Variants in RELN observed in about 807,000 individuals in gnomAD.
RELN encodes the protein reelin.
RELN carries 108 observed loss-of-function variants against 427.6 expected under a neutral mutation model. That is an observed-to-expected ratio of 0.25 (90% confidence interval 0.22 to 0.30). The LOEUF is 0.30. RELN is among the 10% of genes least tolerant of loss of function. RELN has a pLI of 1.00. For synonymous variants in RELN, 1,524 were observed against 1,513.4 expected, an observed-to-expected ratio of 1.01 and a Z score of -0.16; for missense variants, 3,715 against 4,302.8, an observed-to-expected ratio of 0.86 and a Z score of 3.82.
chr7:103,841,216 T>C (rs1793543952), intron 2 of RELN, among the ~76,000 whole-genome samples: 1 of 152,182 alleles, frequency 6.6e-6, no homozygotes, highest in Non-Finnish European at 1.5e-5. Context: ...AAAATGTTTT[T>C]CTTTTGCATA....
In RELN at chr7:103,523,392, C is replaced by T. The variant is rs375694777; in HGVS notation, c.7489G>A (p.Val2497Ile). 60 of 1,613,888 alleles carry T rather than the reference C, an allele frequency of 3.7e-5. No homozygotes were observed. Among genetic ancestry groups the T allele is most frequent in the East Asian group, 4.5e-5 (2 of 44,882 alleles). ...GHGRCIQGNC[V>I]CDEQWGGLYC... ...GAAGGAAGAAAAAAACCGACTTACACGCAGTTTCCCTGGATGCATCTCCCA... is the reference window on the plus strand; with the variant it reads ...GAAGGAAGAAAAAAACCGACTTACATGCAGTTTCCCTGGATGCATCTCCCA... Residue 2497 changes from valine to isoleucine, a missense_variant and splice_region_variant, in exon 47 of 65, where the codon GTC becomes ATC. By Grantham distance (29) the Val-to-Ile change is conservative. Coordinates refer to ENST00000428762, the MANE Select transcript of RELN (RefSeq NM_005045.4).
At position 103,988,523 on chromosome 7, in the gene RELN, T is replaced by C. The variant is rs934794962; in HGVS notation, c.226+608A>G. Among the ~76,000 whole-genome samples, 7 of 152,208 alleles carry C rather than the reference T, an allele frequency of 4.6e-5. No homozygotes were observed. The highest frequency in any genetic ancestry group is 8.8e-5 in the Non-Finnish European group (6 of 68,030). Reference sequence around the variant, plus strand: ...AGAAAAATCATCAATTACTGACATATTAAATCACACTTTCAAAAGAATAGG... The same window carrying C: ...AGAAAAATCATCAATTACTGACATACTAAATCACACTTTCAAAAGAATAGG... On this transcript the variant is annotated intron_variant, in intron 1 of 64. Transcript: ENST00000428762. This position sits in a 1 kb window ranked among gnomAD's most constrained non-coding sequence, Gnocchi z 4.9.
At chr7:103,711,366 G>C (rs1269659767) in intron 8 of RELN, among the ~76,000 whole-genome samples, 1 of 152,148 alleles carries the variant, frequency 6.6e-6, no homozygotes, top group Non-Finnish European at 1.5e-5. Flanking sequence ...CCTCTGTACA[G>C]AGCTTGCACT....
At chr7:103,542,134 T>C (rs1367298539) in intron 43 of RELN, among the ~76,000 whole-genome samples, 1 of 152,226 alleles carries the variant, frequency 6.6e-6, no homozygotes, top group Non-Finnish European at 1.5e-5. Context: ...GACATAATCC[T>C]CTGAGCCAGT....
intron 1 of RELN, among the ~76,000 whole-genome samples, chr7:103,936,849 G>C (rs1413437995): frequency 6.6e-6 from 1 of 151,938 alleles, no homozygotes; most frequent in Non-Finnish European, 1.5e-5. Context: ...TGTTCACTCA[G>C]TTTACAACTA....
chr7:103,525,411 G>A (rs1194373670), intron 46 of RELN, among the ~76,000 whole-genome samples: 1 of 152,154 alleles, frequency 6.6e-6, no homozygotes, highest in African/African-American at 2.4e-5. Context: ...CAACATCGTA[G>A]ACTTCATGGA....
chr7:103,851,865 A>G lies in RELN; in HGVS notation c.338-18193T>C, dbSNP rs114984356. 4.6e-3 allele frequency among the ~76,000 whole-genome samples: 705 copies of G among 152,362 alleles called. 6 individuals are homozygous for G. Among genetic ancestry groups the G allele is most frequent in the African/African-American group, 0.016 (677 of 41,586 alleles). ...GATATTAGCAGAAATGAAGTATACT[A>G]TTCCCTAGTTGAAACACGGAACAGA... On this transcript the variant is annotated intron_variant, in intron 2 of 64. Transcript: ENST00000428762.
At chr7:103,925,707 TA>T (rs1400941279) in intron 1 of RELN, among the ~76,000 whole-genome samples, 1 of 152,200 alleles carries the variant, frequency 6.6e-6, no homozygotes, top group African/African-American at 2.4e-5. Flanking sequence ...AGATTAGCCT[TA>T]AAAGAAATCA....
At chr7:103,632,355 A>G (rs1187602269) in intron 19 of RELN, among the ~76,000 whole-genome samples, 1 of 152,246 alleles carries the variant, frequency 6.6e-6, no homozygotes, top group Admixed American at 6.5e-5. Flanking sequence ...AGTATCTGGC[A>G]CATAATAAGG....
chr7:103,870,964 T>G (rs1794318314), intron 2 of RELN, among the ~76,000 whole-genome samples: 1 of 152,100 alleles, frequency 6.6e-6, no homozygotes. Context: ...CCACTGTGCT[T>G]TTTCTGGACT....
chr7:103,661,591 AC>A, intron 11 of RELN, 64 bp from the exon 12 acceptor site: 3 of 1,479,890 alleles, frequency 2.0e-6, no homozygotes, highest in Non-Finnish European at 1.9e-6. Flanking sequence ...ATAAAGAATA[AC>A]ATTTAGTTTT....
In RELN at chr7:103,498,211, A is replaced by G. The variant is rs1562853400; in HGVS notation, c.8709T>C (p.Pro2903=). 2 of 1,614,114 alleles carry G rather than the reference A, an allele frequency of 1.2e-6. No homozygotes were observed. Among genetic ancestry groups the G allele is most frequent in the South Asian group, 1.1e-5 (1 of 91,080 alleles). ...CACCTTCTAAGGACATCCATAAGTC[A>G]GGTTTGATTTCTTCACTGTCAAAGC... ...KERFDSEEIK[P]DLWMSLEGGS... The change falls in exon 54 of 65, where the codon CCT becomes CCC. Residue 2903 remains proline (P), a synonymous_variant. Coordinates refer to ENST00000428762, the MANE Select transcript of RELN (RefSeq NM_005045.4).
At position 103,483,823 on chromosome 7, in the gene RELN, C is replaced by T; in HGVS notation, c.10011G>A (p.Gly3337=). The change falls in exon 62 of 65, where the codon GGG becomes GGA. Residue 3337 remains glycine, a synonymous_variant. Transcript: ENST00000428762. ...ASKIMFVLQI[G]SMSQTDSCNS... is the part of the protein sequence containing the mutation. The stretch of plus-strand genomic sequence containing the variant: ...TGCAGCTGTCCGTCTGCGACATGCT[C>T]CCAATTTGCAAAACAAACATGATTT... The T allele has an allele frequency of 6.2e-7, 1 of 1,613,952 alleles. No individual in the cohort carries two copies. The highest frequency in any genetic ancestry group is 8.5e-7 in the Non-Finnish European group (1 of 1,179,874).
intron 2 of RELN, among the ~76,000 whole-genome samples, chr7:103,861,429 A>G (rs922750886): frequency 2.6e-5 from 4 of 152,124 alleles, no homozygotes; most frequent in African/African-American, 9.7e-5. Flanking sequence ...TATGAATCAC[A>G]ATATTTGGAA....
chr7:103,553,409 G>A (rs1216493966), intron 40 of RELN, 52 bp downstream of exon 40: 20 of 1,373,652 alleles, frequency 1.5e-5, no homozygotes, highest in Non-Finnish European at 1.8e-5. Context: ...CCTTTCCTAG[G>A]TTTTGTTCAA....
chr7:103,701,805 A>G (rs913018642), intron 8 of RELN, among the ~76,000 whole-genome samples: 8 of 152,140 alleles, frequency 5.3e-5, no homozygotes, highest in East Asian at 1.9e-4. Context: ...TTTTTATACT[A>G]TCTTTAAAAT....
chr7:103,520,993 G>A (rs1470235657), intron 48 of RELN, among the ~76,000 whole-genome samples: 5 of 99,356 alleles, frequency 5.0e-5, no homozygotes, highest in African/African-American at 8.1e-5. Context: ...TTTTTGAGAC[G>A]GAGTCTCGCT....
At chr7:103,528,527 A>G (rs2117104471) in intron 46 of RELN, among the ~76,000 whole-genome samples, 1 of 150,790 alleles carries the variant, frequency 6.6e-6, no homozygotes. Context: ...ATTGAATTGT[A>G]CACTTTATTT....
rs763483901 is a variant in RELN at position 103,551,057 on chromosome 7, G to A, written c.6302+10C>T. ...AGAAACAAATGTGGCGTCAAGCAGC[G>A]GGTCCTTACCCACAAAGGTGCAGCT... is the stretch of plus-strand genomic sequence containing the variant. On this transcript the variant is annotated intron_variant, in intron 41 of 64. Transcript: ENST00000428762. 9 of 1,605,132 alleles carry A rather than the reference G, an allele frequency of 5.6e-6. No individual in the cohort carries two copies. The highest frequency in any genetic ancestry group is 5.5e-5 in the South Asian group (5 of 90,818).
Sources: gnomAD v4.1 joint callset for allele counts (sites outside exome capture counted in the v4.1 genomes callset) on GRCh38, gnomAD v4.1.1 for gene constraint, Gnocchi (gnomAD v3.1) non-coding constraint, MANE v1.5 for transcripts, NCBI Gene and HGNC (gene_info 2026-07-23, HGNC 2026-07-21) for gene names.